TMEM52B: variants seen among roughly 807,000 people sequenced by gnomAD.
TMEM52B encodes transmembrane protein 52B, also known as chromosome 12 open reading frame 59.
A neutral mutation model predicts 16.1 loss-of-function variants in TMEM52B; 11 were observed. The ratio of observed to expected loss-of-function variants is 0.68; its 90% CI spans 0.43 to 1.13. The LOEUF (loss-of-function observed/expected upper bound fraction) is 1.13. TMEM52B is among the 50% of genes most tolerant of loss of function. TMEM52B has a pLI of 0.00. For missense variants in TMEM52B, 243 were observed against 230.4 expected, an observed-to-expected ratio of 1.05 and a Z score of -0.35; for synonymous variants, 101 against 93.8, an observed-to-expected ratio of 1.08 and a Z score of -0.45.
chr12:10,171,713 A>G (rs1295775893), intron 1 of TMEM52B, among the ~76,000 whole-genome samples: 2 of 152,228 alleles, frequency 1.3e-5, no homozygotes, highest in Non-Finnish European at 2.9e-5. Flanking sequence ...AAAGGGAGAT[A>G]GTAATAGTAC....
chr12:10,181,136 C>T (rs906441948), intron 1 of TMEM52B, among the ~76,000 whole-genome samples: 6 of 152,004 alleles, frequency 3.9e-5, no homozygotes, highest in African/African-American at 1.5e-4. Flanking sequence ...AGGAAGTCAA[C>T]TAAAAAATCA....
rs1045552254 is a variant in TMEM52B, at chr12:10,191,542, T to A, written c.*1402T>A. The A allele has an allele frequency of 1.1e-4, 17 of 152,176 alleles. No homozygotes were observed. Among genetic ancestry groups the A allele is most frequent in the African/African-American group, 3.9e-4 (16 of 41,438 alleles). The allele number at this position is 152,176 out of a possible 1,614,324, so 9.4% of individuals were successfully genotyped here. On this transcript the variant is annotated 3_prime_UTR_variant, in exon 5 of 5. Transcript: ENST00000543484. The stretch of plus-strand genomic sequence containing the variant: ...GGCCTGAAATCTTTAAAGCCGTTTT[T>A]TCCCTAAAAAATGGGAAATAATAAC...
intron 1 of TMEM52B, chr12:10,182,003 G>A (rs914646317): frequency 1.8e-4 from 159 of 880,304 alleles, no homozygotes; most frequent in Admixed American, 2.9e-4. Context: ...CTCCAGCCTG[G>A]GTGACAGAGC....
intron 1 of TMEM52B, among the ~76,000 whole-genome samples, chr12:10,180,415 G>T (rs1451881174): frequency 6.6e-6 from 1 of 151,482 alleles, no homozygotes; most frequent in African/African-American, 2.4e-5. Flanking sequence ...TTTGCAACAA[G>T]CCTGAAAAGT....
chr12:10,174,830 T>C (rs1948754072), upstream of TMEM52B, among the ~76,000 whole-genome samples: 1 of 152,246 alleles, frequency 6.6e-6, no homozygotes, highest in Non-Finnish European at 1.5e-5. Flanking sequence ...TGGAATCATA[T>C]AATATTTGTC....
chr12:10,188,550 A>AAC (rs1555091195), intron 4 of TMEM52B, among the ~76,000 whole-genome samples: 2 of 145,084 alleles, frequency 1.4e-5, no homozygotes. Context: ...AAGAAGAAAA[A>AAC]GAAAAAGAAA....
At position 10,179,585 on chromosome 12, in the gene TMEM52B, G is replaced by A. The variant is rs577442548; in HGVS notation, c.11G>A (p.Arg4Gln). ...CAGGAATTCAGCCCGATGGGAGTCC[G>A]AGTTCATGTCGTGGCGGCCTCAGCC... MGVRVHVVAASALL... is the reference protein window; with the variant it reads MGVQVHVVAASALL... Residue 4 changes from arginine to glutamine, a missense_variant, in exon 1 of 5, where the codon CGA becomes CAA. Physicochemically the swap from Arg to Gln is conservative, Grantham distance 43. Coordinates refer to ENST00000543484, the MANE Select transcript of TMEM52B (RefSeq NM_001384896.1). The A allele has an allele frequency of 4.3e-6, 7 of 1,614,206 alleles. No homozygotes were observed. The highest frequency in any genetic ancestry group is 1.3e-5 in the African/African-American group (1 of 75,056).
chr12:10,174,455 T>C (rs1012078078), upstream of TMEM52B, among the ~76,000 whole-genome samples: 6 of 152,130 alleles, frequency 3.9e-5, no homozygotes, highest in African/African-American at 1.4e-4. Context: ...TAGATTTCGC[T>C]GCATAATGTA....
At chr12:10,171,983 AT>A in intron 1 of TMEM52B, 7 of 1,592,852 alleles carry the variant, frequency 4.4e-6, no homozygotes, top group Non-Finnish European at 6.0e-6. Context: ...CCCTGTACAC[AT>A]TTTCCCATCC....
upstream of TMEM52B, among the ~76,000 whole-genome samples, chr12:10,178,313 G>A (rs59833226): frequency 0.06 from 9,118 of 151,828 alleles, 374 homozygotes; most frequent in Middle Eastern, 0.12. Flanking sequence ...TCAGGAGATC[G>A]AGACCATTCT....
Position 10,186,588 on chromosome 12 carries a change from A to C in TMEM52B, c.306A>C (p.Thr102=). The C allele has an allele frequency of 2.5e-6, 4 of 1,571,940 alleles. No homozygotes were observed. The highest frequency in any genetic ancestry group is 3.5e-6 in the Non-Finnish European group (4 of 1,151,554). ...DHDSTLQSTI[T]SLQSVFGPAA... is the part of the protein sequence containing the mutation. ...ACAGCACTCTCCAGAGCACTATCACATGTGAGTACACTGAACTTTTAACCT... is the reference window on the plus strand; with the variant it reads ...ACAGCACTCTCCAGAGCACTATCACCTGTGAGTACACTGAACTTTTAACCT... The change falls in exon 4 of 5, where the codon ACA becomes ACC. Residue 102 remains threonine, a splice_region_variant and synonymous_variant. Transcript: ENST00000543484.
At chr12:10,182,463 C>A in intron 1 of TMEM52B, 87 bp from the exon 2 acceptor site, 1 of 1,495,136 alleles carries the variant, frequency 6.7e-7, no homozygotes, top group South Asian at 1.3e-5. Context: ...TGATCTAACA[C>A]AGCACAACCA....
chr12:10,184,883 T>G (rs1948863116), intron 2 of TMEM52B, among the ~76,000 whole-genome samples: 1 of 152,146 alleles, frequency 6.6e-6, no homozygotes, highest in Non-Finnish European at 1.5e-5. Flanking sequence ...CCGGCTAATT[T>G]TTGTATTTTT....
At position 10,191,147 on chromosome 12, in the gene TMEM52B, G is replaced by A. The variant is rs1297944480; in HGVS notation, c.*1007G>A. 6.6e-6 allele frequency: 1 copy of A among 151,792 alleles called. No individual in the cohort carries two copies. The highest frequency in any genetic ancestry group is 1.5e-5 in the Non-Finnish European group (1 of 68,012). The allele number at this position is 151,792 out of a possible 1,614,324, so 9.4% of individuals were successfully genotyped here. A position where few individuals can be genotyped will look rare whatever the true frequency, so the allele number is the denominator to read the frequency against. ...TCCACAAAACATACCACCTCCCAAA[G>A]TATTATTATTGGAAAATCGAGGAAG... On this transcript the variant is annotated 3_prime_UTR_variant, in exon 5 of 5. Transcript: ENST00000543484.
intron 4 of TMEM52B, 22 bp from the exon 5 acceptor site, chr12:10,189,874 T>C (rs569430362): frequency 5.6e-6 from 9 of 1,612,090 alleles, no homozygotes; most frequent in Non-Finnish European, 7.6e-6. Context: ...GTTTCTTAGC[T>C]CTGTTCCTTC....
chr12:10,174,856 T>G (rs562681781), upstream of TMEM52B, among the ~76,000 whole-genome samples: 31 of 152,336 alleles, frequency 2.0e-4, 1 homozygote, highest in South Asian at 3.7e-3. Context: ...GTATCTAAAT[T>G]ATTTTATTTA....
intron 1 of TMEM52B, among the ~76,000 whole-genome samples, chr12:10,173,140 A>G (rs1948737323): frequency 6.6e-6 from 1 of 152,186 alleles, no homozygotes; most frequent in Non-Finnish European, 1.5e-5. Context: ...AGACGCTTAC[A>G]TGAGAGACCC....
intron 2 of TMEM52B, among the ~76,000 whole-genome samples, chr12:10,184,263 G>A (rs937220635): frequency 2.6e-5 from 4 of 152,074 alleles, no homozygotes; most frequent in Non-Finnish European, 4.4e-5. Context: ...CCGCATCCTC[G>A]GTAATATTCT....
At chr12:10,178,245 G>A (rs905277407), upstream of TMEM52B, among the ~76,000 whole-genome samples, 11 of 151,748 alleles carry the variant, frequency 7.2e-5, no homozygotes, top group African/African-American at 2.4e-4. Flanking sequence ...GGCCAGGCAC[G>A]GTGGCTCACG....
Sources: allele counts gnomAD v4.1 joint callset (sites outside exome capture counted in the v4.1 genomes callset), GRCh38; gene constraint gnomAD v4.1.1; transcripts MANE v1.5; gene names NCBI Gene and HGNC (gene_info 2026-07-23, HGNC 2026-07-21).